The following KIF3B variants were observed in gnomAD, a reference collection of about 807,000 sequenced individuals.
KIF3B encodes kinesin-like protein KIF3B.
A neutral mutation model predicts 74.3 loss-of-function variants in KIF3B; 38 were observed. The ratio of observed to expected loss-of-function variants is 0.51; its 90% confidence interval spans 0.39 to 0.67. The LOEUF (loss-of-function observed/expected upper bound fraction) is 0.67. Ranked by LOEUF, KIF3B falls within the 30% of genes least tolerant of loss-of-function variation. The pLI, the probability that KIF3B is intolerant of heterozygous loss-of-function variation, is 0.00. For synonymous variants in KIF3B, 326 were observed against 342.5 expected, an observed-to-expected ratio of 0.95 and a Z score of 0.53; for missense variants, 649 against 932.0, an observed-to-expected ratio of 0.70 and a Z score of 3.95.
intron 1 of KIF3B, among the ~76,000 whole-genome samples, chr20:32,279,597 C>G (rs2047632787): frequency 6.6e-6 from 1 of 152,040 alleles, no homozygotes; most frequent in Non-Finnish European, 1.5e-5. Flanking sequence ...TCCCAAGTAG[C>G]TGGGATTACA....
chr20:32,309,919 G>A lies in KIF3B; in HGVS notation c.142G>A (p.Gly48Arg). 2 of 1,614,166 alleles carry A rather than the reference G, an allele frequency of 1.2e-6. No individual in the cohort carries two copies. The highest frequency in any genetic ancestry group is 1.7e-6 in the Non-Finnish European group (2 of 1,180,040). ...GCAGGTGTCTGTGAAGAACCCCAAA[G>A]GGACGGCCCATGAAATGCCCAAGAC... is the stretch of plus-strand genomic sequence containing the variant. ...LGQVSVKNPK[G>R]TAHEMPKTFT... Residue 48 changes from glycine to arginine, a missense_variant, in exon 2 of 9, where the codon GGG becomes AGG. Coordinates refer to ENST00000375712, the MANE Select transcript of KIF3B (RefSeq NM_004798.4).
chr20:32,312,352 A>G (rs2047805382), intron 2 of KIF3B, among the ~76,000 whole-genome samples: 2 of 145,636 alleles, frequency 1.4e-5, no homozygotes, highest in Non-Finnish European at 3.0e-5. Flanking sequence ...TGATTCTCCC[A>G]CCTCCCCCTC....
At chr20:32,309,244 G>C (rs1569199957) in intron 1 of KIF3B, among the ~76,000 whole-genome samples, 2 of 150,858 alleles carry the variant, frequency 1.3e-5, no homozygotes, top group Non-Finnish European at 2.9e-5. Flanking sequence ...TGTTGCCCAG[G>C]CTGATCTCAA....
chr20:32,312,276 T>A (rs28541898), intron 2 of KIF3B, among the ~76,000 whole-genome samples: 7 of 151,898 alleles, frequency 4.6e-5, no homozygotes, highest in Non-Finnish European at 7.4e-5. Flanking sequence ...CTAAATTTTT[T>A]AAATTTTTTG....
intron 1 of KIF3B, among the ~76,000 whole-genome samples, chr20:32,284,656 A>G (rs2047659286): frequency 6.6e-6 from 1 of 152,184 alleles, no homozygotes; most frequent in Non-Finnish European, 1.5e-5. Flanking sequence ...GAAGAAAACA[A>G]CAACAATAAC....
At chr20:32,319,718 TG>T (rs1331446144) in intron 5 of KIF3B, among the ~76,000 whole-genome samples, 1 of 150,056 alleles carries the variant, frequency 6.7e-6, no homozygotes, top group Non-Finnish European at 1.5e-5. Context: ...CCCGAATAGC[TG>T]GGAATACAGG....
chr20:32,326,083 T>G (rs569211695), intron 5 of KIF3B, among the ~76,000 whole-genome samples: 1 of 152,258 alleles, frequency 6.6e-6, no homozygotes, highest in Non-Finnish European at 1.5e-5. Context: ...TTTGGCATTG[T>G]TTTGTCCTGA....
intron 1 of KIF3B, among the ~76,000 whole-genome samples, chr20:32,291,130 G>T (rs1254687258): frequency 6.6e-6 from 1 of 152,010 alleles, no homozygotes. Flanking sequence ...ATTGTTCAGT[G>T]GTTATAAAGT....
intron 1 of KIF3B, among the ~76,000 whole-genome samples, chr20:32,281,657 C>T (rs2122651325): frequency 6.6e-6 from 1 of 152,196 alleles, no homozygotes; most frequent in South Asian, 2.1e-4. Flanking sequence ...GCAGAGGCTG[C>T]AGTAAGCCGA....
intron 1 of KIF3B, among the ~76,000 whole-genome samples, chr20:32,304,628 C>T (rs1477733006): frequency 1.3e-5 from 2 of 151,918 alleles, no homozygotes; most frequent in South Asian, 2.1e-4. Flanking sequence ...CTGTATTTAC[C>T]GAAGGAATGA....
intron 5 of KIF3B, among the ~76,000 whole-genome samples, chr20:32,320,804 A>T (rs1164493964): frequency 6.6e-6 from 1 of 152,124 alleles, no homozygotes; most frequent in East Asian, 1.9e-4. Context: ...TGACCAAATA[A>T]TATTCTGTTG....
intron 1 of KIF3B, among the ~76,000 whole-genome samples, chr20:32,279,027 G>A (rs1439585451): frequency 1.4e-5 from 2 of 147,250 alleles, no homozygotes. Context: ...GTGTTCAAGC[G>A]ATTCTCCTGC....
chr20:32,323,123 T>C (rs1442187762), intron 5 of KIF3B, among the ~76,000 whole-genome samples: 1 of 125,032 alleles, frequency 8.0e-6, no homozygotes, highest in Non-Finnish European at 1.6e-5. Flanking sequence ...TATATATTTA[T>C]ATTTATATAT....
Position 32,300,491 on chromosome 20 carries a change from C to T in KIF3B, c.-65-9222C>T, listed in dbSNP as rs557379729. Among the ~76,000 whole-genome samples, 6 of 152,200 alleles carry T rather than the reference C, an allele frequency of 3.9e-5. No individual in the cohort carries two copies. The East Asian group carries it at 1.2e-3, about 29-fold the overall frequency. ...AGACAGGATTTCACCGCGTTAGCCACAATAGTCTCCATCTCCTGTCCTTGT... is the reference window on the plus strand; with the variant it reads ...AGACAGGATTTCACCGCGTTAGCCATAATAGTCTCCATCTCCTGTCCTTGT... On this transcript the variant is annotated intron_variant, in intron 1 of 8. Coordinates refer to ENST00000375712, the MANE Select transcript of KIF3B (RefSeq NM_004798.4).
At chr20:32,317,162 G>C (rs539705669) in intron 5 of KIF3B, among the ~76,000 whole-genome samples, 1 of 152,124 alleles carries the variant, frequency 6.6e-6, no homozygotes, top group Non-Finnish European at 1.5e-5. Flanking sequence ...GCTTGAACCC[G>C]GGAAGTGGAG....
rs1214333398 is a variant in KIF3B, at chr20:32,333,816, G to A, written c.*2497G>A. 6.6e-6 allele frequency: 1 copy of A among 152,430 alleles called. No individual in the cohort carries two copies. Among genetic ancestry groups the A allele is most frequent in the Non-Finnish European group, 1.5e-5 (1 of 68,024 alleles). The allele number at this position is 152,430 out of a possible 1,614,324, so 9.4% of individuals were successfully genotyped here. ...ATGCCTTGTACTCAGCTGTGTTCAT[G>A]TGGTGGTCTGTGGAAAGAAAAGAAG... On this transcript the variant is annotated 3_prime_UTR_variant, in exon 9 of 9. Coordinates refer to ENST00000375712, the MANE Select transcript of KIF3B (RefSeq NM_004798.4).
At chr20:32,318,030 T>C (rs371518639) in intron 5 of KIF3B, among the ~76,000 whole-genome samples, 21 of 152,276 alleles carry the variant, frequency 1.4e-4, no homozygotes, top group Non-Finnish European at 2.5e-4. Flanking sequence ...AGTCCGGGCA[T>C]GGTGGCTCAT....
rs543084963 is a variant in KIF3B at position 32,323,750 on chromosome 20, C to T, written c.1749-3021C>T. ...AGAATTAGCTGGGTGTGGTGGCGGG[C>T]GCCTGTAATCTCAACTACTCGGGAG... On this transcript the variant is annotated intron_variant, in intron 5 of 8. Transcript: ENST00000375712. Among the ~76,000 whole-genome samples the T allele has an allele frequency of 1.5e-3, 223 of 151,802 alleles. 2 individuals are homozygous for T. Among genetic ancestry groups the T allele is most frequent in the African/African-American group, 5.0e-3 (206 of 41,392 alleles).
At chr20:32,284,635 CAGAA>C (rs1307843963) in intron 1 of KIF3B, among the ~76,000 whole-genome samples, 1 of 152,062 alleles carries the variant, frequency 6.6e-6, no homozygotes, top group Non-Finnish European at 1.5e-5. Context: ...TTTTTAAAAA[CAGAA>C]GAAGAAGAAG....
Sources: gnomAD v4.1 joint callset for allele counts (sites outside exome capture counted in the v4.1 genomes callset) on GRCh38, gnomAD v4.1.1 for gene constraint, MANE v1.5 for transcripts, NCBI Gene and HGNC (gene_info 2026-07-23, HGNC 2026-07-21) for gene names.